CLVS1: variants seen among roughly 807,000 people sequenced by gnomAD.
CLVS1 encodes the protein clavesin-1.
A neutral mutation model predicts 33.1 loss-of-function variants in CLVS1; 10 were observed. The ratio of observed to expected loss-of-function variants is 0.30; its 90% CI spans 0.19 to 0.51. CLVS1 has a LOEUF of 0.51. CLVS1 is among the 20% of genes least tolerant of loss of function. The probability of loss-of-function intolerance (pLI) is 0.97; values close to 1 mark genes in which losing one functional copy is unlikely to be tolerated. For missense variants in CLVS1, 343 were observed against 433.4 expected, an observed-to-expected ratio of 0.79 and a Z score of 1.85; for synonymous variants, 163 against 166.1, an observed-to-expected ratio of 0.98 and a Z score of 0.14.
chr8:61,224,455 G>T (rs1012172208), intron 2 of CLVS1, among the ~76,000 whole-genome samples: 2 of 152,098 alleles, frequency 1.3e-5, no homozygotes, highest in African/African-American at 4.8e-5. Context: ...AGTTTGCTGG[G>T]GGTTCACTTC....
chr8:61,123,271 AAAT>A (rs58959777), intron 1 of CLVS1, among the ~76,000 whole-genome samples: 4 of 146,934 alleles, frequency 2.7e-5, no homozygotes, highest in African/African-American at 5.1e-5. Flanking sequence ...CTCTGTCTCA[AAAT>A]AATAATAATA....
chr8:61,202,315 C>T (rs536373149), intron 2 of CLVS1: 39 of 676,466 alleles, frequency 5.8e-5, no homozygotes, highest in Middle Eastern at 4.3e-4. Flanking sequence ...TATCTTCGTC[C>T]GCCTTCTCTC....
chr8:61,338,657 G>C (rs4033343), intron 2 of CLVS1, among the ~76,000 whole-genome samples: 3 of 152,224 alleles, frequency 2.0e-5, no homozygotes, highest in Non-Finnish European at 4.4e-5. Flanking sequence ...ATATGCAGCA[G>C]ATTCTCAAAG....
intron 4 of CLVS1, among the ~76,000 whole-genome samples, chr8:61,455,719 A>G (rs1817125638): frequency 6.6e-6 from 1 of 152,162 alleles, no homozygotes; most frequent in East Asian, 1.9e-4. Context: ...GAACCTGGCT[A>G]GGGTAATCCT....
chr8:61,322,952 G>C, intron 2 of CLVS1, among the ~76,000 whole-genome samples: 1 of 152,072 alleles, frequency 6.6e-6, no homozygotes, highest in East Asian at 1.9e-4. Flanking sequence ...TGTCTCTTGT[G>C]GTACTCCGAA....
intron 2 of CLVS1, among the ~76,000 whole-genome samples, chr8:61,208,746 C>G (rs890502922): frequency 2.6e-5 from 4 of 152,132 alleles, no homozygotes; most frequent in African/African-American, 9.7e-5. Context: ...CGCCACCACG[C>G]CCAGCTAATT....
At chr8:61,105,062 T>C (rs1304498195) in intron 1 of CLVS1, among the ~76,000 whole-genome samples, 6 of 152,140 alleles carry the variant, frequency 3.9e-5, no homozygotes, top group Admixed American at 3.3e-4. Context: ...ACTCCTGACC[T>C]CAGGTGATCC....
intron 1 of CLVS1, among the ~76,000 whole-genome samples, chr8:61,299,139 A>G (rs1045855441): frequency 6.6e-6 from 1 of 152,182 alleles, no homozygotes; most frequent in African/African-American, 2.4e-5. Flanking sequence ...AGTCATGAAC[A>G]CTGGCGGGGT....
chr8:61,420,647 T>A (rs917715410), intron 3 of CLVS1, among the ~76,000 whole-genome samples: 10 of 151,510 alleles, frequency 6.6e-5, no homozygotes, highest in African/African-American at 2.4e-4. Context: ...TGTCTATTAA[T>A]CATTAATTTA....
At chr8:61,182,799 A>G (rs1249524101) in intron 2 of CLVS1, among the ~76,000 whole-genome samples, 1 of 152,224 alleles carries the variant, frequency 6.6e-6, no homozygotes, top group East Asian at 1.9e-4. Flanking sequence ...ATTACCAGGT[A>G]TATACCCAAA....
intron 2 of CLVS1, among the ~76,000 whole-genome samples, chr8:61,154,565 A>T (rs544402526): frequency 5.3e-5 from 8 of 152,348 alleles, no homozygotes; most frequent in South Asian, 4.1e-4. Flanking sequence ...TTTGCCACGG[A>T]CTTGAGAATG....
intron 2 of CLVS1, among the ~76,000 whole-genome samples, chr8:61,149,211 G>T (rs1346695412): frequency 5.3e-5 from 8 of 152,058 alleles, no homozygotes; most frequent in African/African-American, 1.4e-4. Context: ...TAAAAAAATA[G>T]TTGAAAGAAA....
intron 1 of CLVS1, among the ~76,000 whole-genome samples, chr8:61,088,908 TCTCCTGCCTCAGC>T (rs975365874): frequency 1.3e-5 from 2 of 152,006 alleles, no homozygotes; most frequent in Admixed American, 1.3e-4. Flanking sequence ...TTCACGCCAT[TCTCCTGCCTCAGC>T]CTCCCAAGTA....
chr8:61,247,106 G>T (rs1211354068), intron 2 of CLVS1, among the ~76,000 whole-genome samples: 1 of 152,108 alleles, frequency 6.6e-6, no homozygotes. Flanking sequence ...ATAGCCTCTA[G>T]CTCCATCAAA....
chr8:61,496,601 G>A (rs1278909999), intron 5 of CLVS1, among the ~76,000 whole-genome samples: 1 of 152,178 alleles, frequency 6.6e-6, no homozygotes, highest in East Asian at 1.9e-4. Flanking sequence ...GAGTCCATGA[G>A]TCCATTTTGC....
intron 2 of CLVS1, among the ~76,000 whole-genome samples, chr8:61,216,519 T>C (rs1808090496): frequency 6.6e-6 from 1 of 152,226 alleles, no homozygotes; most frequent in African/African-American, 2.4e-5. Flanking sequence ...CCAATGTGTC[T>C]GTGCGTTTGA....
chr8:61,153,975 TCCC>T (rs1806598107), intron 2 of CLVS1, among the ~76,000 whole-genome samples: 1 of 152,134 alleles, frequency 6.6e-6, no homozygotes, highest in Non-Finnish European at 1.5e-5. Context: ...TTTAGCTACA[TCCC>T]TAGGTTTTTA....
intron 1 of CLVS1, among the ~76,000 whole-genome samples, chr8:61,129,666 G>C (rs1806049356): frequency 6.6e-6 from 1 of 152,110 alleles, no homozygotes; most frequent in African/African-American, 2.4e-5. Context: ...CTGTGTCCTT[G>C]CATGGTGGAA....
rs535966237 is a variant in CLVS1 at position 61,192,634 on chromosome 8, A to G, written c.-152+60774A>G. Among the ~76,000 whole-genome samples the G allele has an allele frequency of 3.3e-5, 5 of 152,354 alleles. No homozygotes were observed. In the South Asian group the frequency reaches 8.3e-4, roughly 25 times the overall value. Reference sequence around the variant, plus strand: ...CAATCTGCTCATCTGACAAAGGGCTAATATCCAGAATCTACAAAGAACTCA... The same window carrying G: ...CAATCTGCTCATCTGACAAAGGGCTGATATCCAGAATCTACAAAGAACTCA... On this transcript the variant is annotated intron_variant, in intron 2 of 2. Coordinates refer to the CLVS1 transcript ENST00000522621.
Sources: allele counts gnomAD v4.1 joint callset (sites outside exome capture counted in the v4.1 genomes callset), GRCh38; gene constraint gnomAD v4.1.1; transcripts MANE v1.5; gene names NCBI Gene and HGNC (gene_info 2026-07-23, HGNC 2026-07-21).